The following ENPP3 variants were observed in gnomAD, a reference collection of about 807,000 sequenced individuals.
ENPP3 encodes the protein ectonucleotide pyrophosphatase/phosphodiesterase family member 3.
Under a neutral mutation model 117.8 loss-of-function variants are expected in ENPP3, and 104 were observed. That is an observed-to-expected ratio of 0.88 (90% CI 0.75 to 1.04). ENPP3 has a LOEUF of 1.04. Ranked by LOEUF, ENPP3 falls within the 50% of genes least tolerant of loss-of-function variation. The probability of loss-of-function intolerance (pLI) is 0.00; values close to 1 mark genes in which losing one functional copy is unlikely to be tolerated. For missense variants in ENPP3, 1,026 were observed against 1,051.9 expected, an observed-to-expected ratio of 0.98 and a Z score of 0.34; for synonymous variants, 380 against 349.9, an observed-to-expected ratio of 1.09 and a Z score of -0.96.
rs1042520129 is a variant in ENPP3, at chr6:131,717,346, C to T, written c.1413-1326C>T. On this transcript the variant is annotated intron_variant, in intron 15 of 24. Coordinates refer to ENST00000357639, the MANE Select transcript of ENPP3 (RefSeq NM_005021.5). ...TTTGTAAAAACAAACAGAAACCCTG[C>T]GGGGGGTGTGTGTGTGTGTGTGTGT... 1.6e-4 allele frequency among the ~76,000 whole-genome samples: 15 copies of T among 91,264 alleles called. No individual in the cohort carries two copies. In the East Asian group the frequency reaches 4.1e-3, roughly 25 times the overall value. 59.9% of individuals were successfully genotyped at this position (91,264 alleles called of 152,430 possible). A position where few individuals can be genotyped will look rare whatever the true frequency, so the allele number is the denominator to read the frequency against.
intron 7 of ENPP3, among the ~76,000 whole-genome samples, chr6:131,672,095 G>C (rs1467235617): frequency 6.6e-6 from 1 of 152,068 alleles, no homozygotes; most frequent in African/African-American, 2.4e-5. Context: ...AAATTTATTT[G>C]TAACCCCCAA....
intron 20 of ENPP3, among the ~76,000 whole-genome samples, chr6:131,730,321 T>C (rs1780248748): frequency 6.6e-6 from 1 of 152,204 alleles, no homozygotes; most frequent in Non-Finnish European, 1.5e-5. Flanking sequence ...CTCAGAACTG[T>C]ATACTATGAT....
intron 7 of ENPP3, 68 bp from the exon 8 acceptor site, chr6:131,674,094 C>A: frequency 1.0e-6 from 1 of 954,408 alleles, no homozygotes; most frequent in South Asian, 1.6e-5. Context: ...AGATCGTGTG[C>A]TATTTTAATT....
intron 8 of ENPP3, 94 bp from the exon 9 acceptor site, chr6:131,674,986 G>T: frequency 1.4e-6 from 1 of 710,080 alleles, no homozygotes; most frequent in Non-Finnish European, 2.5e-6. Context: ...TTTAATACAT[G>T]TTGCAACTAT....
intron 24 of ENPP3, 107 bp from the exon 25 acceptor site, chr6:131,746,679 G>A: frequency 1.2e-6 from 1 of 861,212 alleles, no homozygotes; most frequent in Non-Finnish European, 1.8e-6. Flanking sequence ...AAGATTTAAG[G>A]AGGTAAAAAT....
At chr6:131,648,132 C>T (rs1778188436) in intron 2 of ENPP3, among the ~76,000 whole-genome samples, 1 of 151,534 alleles carries the variant, frequency 6.6e-6, no homozygotes, top group Non-Finnish European at 1.5e-5. Flanking sequence ...TCATATTTTT[C>T]TTATGTTCAC....
chr6:131,714,041 TG>T (rs1429274940), intron 15 of ENPP3, among the ~76,000 whole-genome samples: 2 of 150,356 alleles, frequency 1.3e-5, no homozygotes, highest in African/African-American at 4.9e-5. Context: ...AGCCTACAGT[TG>T]GGCAAAATCA....
chr6:131,717,335 C>CT (rs1779913872), intron 15 of ENPP3, among the ~76,000 whole-genome samples: 35 of 141,196 alleles, frequency 2.5e-4, no homozygotes, highest in Admixed American at 2.4e-3. Context: ...TAAAAACAAA[C>CT]AGAAACCCTG....
Position 131,720,379 on chromosome 6 carries a change from G to A in ENPP3, c.1567G>A (p.Asp523Asn), listed in dbSNP as rs1346275415. The stretch of plus-strand genomic sequence containing the variant: ...TATTGAAGTCTATAACCTAATGTGT[G>A]GTAAGTATATTTAAATAAGTTCGCC... ...ENIEVYNLMC[D>N]LLRIQPAPNN... The change falls in exon 17 of 25, where the codon GAT (aspartate) becomes AAT (asparagine). Residue 523 changes from aspartate (D) to asparagine (N), a missense_variant and splice_region_variant. Asp to Asn is a conservative substitution (Grantham distance 23, BLOSUM62 1). Coordinates refer to ENST00000357639, the MANE Select transcript of ENPP3 (RefSeq NM_005021.5). The A allele has an allele frequency of 1.4e-6, 2 of 1,469,552 alleles. No homozygotes were observed. Among genetic ancestry groups the A allele is most frequent in the African/African-American group, 1.4e-5 (1 of 70,422 alleles). 91.0% of individuals were successfully genotyped at this position (1,469,552 alleles called of 1,614,324 possible). A position where few individuals can be genotyped will look rare whatever the true frequency, so the allele number is the denominator to read the frequency against.
intron 20 of ENPP3, among the ~76,000 whole-genome samples, chr6:131,731,699 G>A (rs1780285075): frequency 6.6e-6 from 1 of 152,132 alleles, no homozygotes; most frequent in African/African-American, 2.4e-5. Flanking sequence ...CCCTTCTGGG[G>A]TTCTACAGTA....
chr6:131,681,524 A>C (rs1779023820), intron 11 of ENPP3, among the ~76,000 whole-genome samples: 2 of 152,160 alleles, frequency 1.3e-5, no homozygotes, highest in South Asian at 4.1e-4. Context: ...AAAAAAACAC[A>C]GAAAATTTAC....
At position 131,738,047 on chromosome 6, in the gene ENPP3, C is replaced by A; in HGVS notation, c.2184C>A (p.Phe728Leu). 6.3e-7 allele frequency: 1 copy of A among 1,599,028 alleles called. No individual in the cohort carries two copies. The highest frequency in any genetic ancestry group is 8.5e-7 in the Non-Finnish European group (1 of 1,171,554). Residue 728 changes from phenylalanine (F) to leucine (L), a missense_variant, in exon 23 of 25, where the codon TTC becomes TTA. Transcript: ENST00000357639. ...TATTTTTAGAAATGTGGGACTACTT[C>A]CACAGTGTTCTTCTTATAAAACATG... ...YEEFRKMWDY[F>L]HSVLLIKHAT...
chr6:131,639,264 TA>T (rs201740292), intron 1 of ENPP3, among the ~76,000 whole-genome samples: 87 of 41,070 alleles, frequency 2.1e-3, no homozygotes, highest in Non-Finnish European at 3.1e-3. Context: ...TATATATATA[TA>T]TTTTTTTTTT....
intron 6 of ENPP3, among the ~76,000 whole-genome samples, chr6:131,665,094 A>T (rs1421448906): frequency 6.6e-6 from 1 of 152,172 alleles, no homozygotes; most frequent in Non-Finnish European, 1.5e-5. Flanking sequence ...CACCCCAGGG[A>T]TAAATCCCAC....
At chr6:131,656,129 A>T (rs368135652) in intron 5 of ENPP3, among the ~76,000 whole-genome samples, 3 of 152,142 alleles carry the variant, frequency 2.0e-5, no homozygotes, top group South Asian at 2.1e-4. Flanking sequence ...AACCAGACAG[A>T]TGTGAGCCAA....
At chr6:131,654,132 T>TA (rs1778328488) in intron 5 of ENPP3, among the ~76,000 whole-genome samples, 1 of 149,164 alleles carries the variant, frequency 6.7e-6, no homozygotes, top group Admixed American at 6.7e-5. Context: ...TTATTATTAT[T>TA]ATTATTATTA....
At chr6:131,690,236 C>G (rs958270088) in intron 14 of ENPP3, among the ~76,000 whole-genome samples, 1 of 152,144 alleles carries the variant, frequency 6.6e-6, no homozygotes, top group Non-Finnish European at 1.5e-5. Flanking sequence ...TGTTATAAAA[C>G]AGTTTCGGAT....
intron 7 of ENPP3, among the ~76,000 whole-genome samples, chr6:131,672,404 A>G (rs1665064761): frequency 1.3e-5 from 2 of 152,190 alleles, no homozygotes; most frequent in South Asian, 2.1e-4. Context: ...GAATTGCCTT[A>G]CAGAGGAAAT....
intron 11 of ENPP3, among the ~76,000 whole-genome samples, chr6:131,678,490 C>T (rs1778920238): frequency 6.6e-6 from 1 of 152,182 alleles, no homozygotes; most frequent in South Asian, 2.1e-4. Flanking sequence ...ACTACACAAA[C>T]ATAGTCCTTA....
Sources: gnomAD v4.1 joint callset for allele counts (sites outside exome capture counted in the v4.1 genomes callset) on GRCh38, gnomAD v4.1.1 for gene constraint, MANE v1.5 for transcripts, NCBI Gene and HGNC (gene_info 2026-07-23, HGNC 2026-07-21) for gene names.